Variants in ORC2 observed in about 807,000 individuals in gnomAD.
The protein encoded by ORC2 is origin recognition complex subunit 2.
A neutral mutation model predicts 77.7 loss-of-function variants in ORC2; 37 were observed. The observed-to-expected ratio is 0.48, with a 90% confidence interval of 0.37 to 0.63. ORC2 has a LOEUF of 0.63. Among genes scored for constraint, ORC2 ranks in the 20% least tolerant of loss-of-function variants. ORC2 has a pLI of 0.00. For missense variants in ORC2, 557 were observed against 661.9 expected (o/e 0.84, Z 1.74); for synonymous variants, 201 against 229.5 (o/e 0.88, Z 1.12).
intron 10 of ORC2, among the ~76,000 whole-genome samples, chr2:200,932,657 A>G (rs558507038): frequency 6.6e-6 from 1 of 152,192 alleles, no homozygotes; most frequent in South Asian, 2.1e-4. Flanking sequence ...ACTTTAATTA[A>G]TATTCATGGA....
chr2:200,937,337 GTGA>G (rs1310223107), intron 8 of ORC2, among the ~76,000 whole-genome samples: 1 of 152,100 alleles, frequency 6.6e-6, no homozygotes, highest in African/African-American at 2.4e-5. Context: ...CAATTTTATG[GTGA>G]TTAAAAATAC....
At chr2:200,939,614 A>G (rs1375132972) in intron 7 of ORC2, among the ~76,000 whole-genome samples, 1 of 152,174 alleles carries the variant, frequency 6.6e-6, no homozygotes, top group Non-Finnish European at 1.5e-5. Context: ...AATCCCAATC[A>G]GTTTACCATT....
intron 4 of ORC2, among the ~76,000 whole-genome samples, chr2:200,951,296 T>C (rs1246064955): frequency 6.6e-6 from 1 of 152,188 alleles, no homozygotes; most frequent in African/African-American, 2.4e-5. Context: ...GCTTCCAAGT[T>C]TTGGCCATTG....
Position 200,910,283 on chromosome 2 carries a change from G to A in ORC2, c.*1018C>T, listed in dbSNP as rs2040528010. 1 of 152,090 alleles carries A rather than the reference G, an allele frequency of 6.6e-6. No homozygotes were observed. The highest frequency in any genetic ancestry group is 2.4e-5 in the African/African-American group (1 of 41,410). 9.4% of individuals were successfully genotyped at this position (152,090 alleles called of 1,614,324 possible). On this transcript the variant is annotated 3_prime_UTR_variant, in exon 18 of 18. Transcript: ENST00000234296. ...GTAAGCTGACAACAGTAGCCAAGGT[G>A]AGCCTTTTTTCTTTCCTAAGAAAAA...
At chr2:200,951,864 A>G (rs1303039932) in intron 4 of ORC2, among the ~76,000 whole-genome samples, 1 of 152,222 alleles carries the variant, frequency 6.6e-6, no homozygotes, top group Non-Finnish European at 1.5e-5. Flanking sequence ...TTGAGAAACA[A>G]TGAATTTTAA....
At chr2:200,950,132 G>A (rs2041325006) in intron 4 of ORC2, among the ~76,000 whole-genome samples, 1 of 151,996 alleles carries the variant, frequency 6.6e-6, no homozygotes, top group Non-Finnish European at 1.5e-5. Flanking sequence ...GAGATTGAGA[G>A]CATCCTGGCT....
intron 12 of ORC2, among the ~76,000 whole-genome samples, chr2:200,926,306 C>T (rs2040837830): frequency 6.6e-6 from 1 of 152,156 alleles, no homozygotes; most frequent in South Asian, 2.1e-4. Flanking sequence ...CAATATCCAG[C>T]ACCCAAAAGA....
At chr2:200,928,065 A>T (rs2040873723) in intron 11 of ORC2, among the ~76,000 whole-genome samples, 1 of 151,382 alleles carries the variant, frequency 6.6e-6, no homozygotes, top group Non-Finnish European at 1.5e-5. Flanking sequence ...CTTTTTAAAA[A>T]TTATTATTGG....
At chr2:200,916,066 A>G (rs983459242) in intron 15 of ORC2, among the ~76,000 whole-genome samples, 7 of 152,182 alleles carry the variant, frequency 4.6e-5, no homozygotes, top group Non-Finnish European at 8.8e-5. Context: ...TTTTTATTCA[A>G]TCACATACCA....
chr2:200,962,110 C>G (rs1207681448), intron 1 of ORC2, among the ~76,000 whole-genome samples: 1 of 152,116 alleles, frequency 6.6e-6, no homozygotes, highest in East Asian at 1.9e-4. Context: ...TACAAAATCA[C>G]CAAATTAAAG....
At chr2:200,929,090 T>C (rs751441846) in intron 11 of ORC2, among the ~76,000 whole-genome samples, 15 of 152,166 alleles carry the variant, frequency 9.9e-5, no homozygotes, top group Middle Eastern at 6.8e-3. Context: ...TAGCTGGGAT[T>C]ACAGGCATGC....
chr2:200,934,263 G>C (rs1356889847), intron 9 of ORC2, among the ~76,000 whole-genome samples: 1 of 151,960 alleles, frequency 6.6e-6, no homozygotes, highest in African/African-American at 2.4e-5. Context: ...ACTAAAAAAA[G>C]AGAGATGGTT....
At chr2:200,956,592 T>A (rs1301646904) in intron 4 of ORC2, among the ~76,000 whole-genome samples, 1 of 151,964 alleles carries the variant, frequency 6.6e-6, no homozygotes, top group Non-Finnish European at 1.5e-5. Flanking sequence ...AGTCTCCCAA[T>A]GTACTGGGAT....
At chr2:200,939,110 T>C (rs1431781925) in intron 7 of ORC2, among the ~76,000 whole-genome samples, 1 of 151,992 alleles carries the variant, frequency 6.6e-6, no homozygotes, top group African/African-American at 2.4e-5. Context: ...AATTACAGTA[T>C]GTCTCAAATT....
At chr2:200,920,910 TA>T in intron 14 of ORC2, 82 bp downstream of exon 14, 1 of 1,012,040 alleles carries the variant, frequency 9.9e-7, no homozygotes, top group Non-Finnish European at 1.3e-6. Context: ...CTAAAAACAG[TA>T]AAAATTTTCT....
chr2:200,927,784 G>A (rs1480042306), intron 11 of ORC2, among the ~76,000 whole-genome samples: 3 of 150,760 alleles, frequency 2.0e-5, no homozygotes, highest in African/African-American at 4.8e-5. Context: ...TGCAACCTCC[G>A]CCTCCCGGGT....
intron 9 of ORC2, among the ~76,000 whole-genome samples, chr2:200,935,250 G>A (rs188711156): frequency 2.2e-4 from 33 of 152,246 alleles, no homozygotes; most frequent in South Asian, 4.1e-4. Flanking sequence ...AGCCTCCCGC[G>A]TAGCTGGGAT....
chr2:200,931,227 G>A, intron 11 of ORC2, 112 bp downstream of exon 11: 1 of 463,318 alleles, frequency 2.2e-6, no homozygotes, highest in Non-Finnish European at 3.9e-6. Flanking sequence ...TTTTATATAT[G>A]ACTAAATATC....
chr2:200,936,695 T>C (rs2041053858), intron 8 of ORC2, among the ~76,000 whole-genome samples: 1 of 152,212 alleles, frequency 6.6e-6, no homozygotes, highest in African/African-American at 2.4e-5. Flanking sequence ...ATGGTACTTA[T>C]GATTATAATT....
Sources: allele counts gnomAD v4.1 joint callset (sites outside exome capture counted in the v4.1 genomes callset), GRCh38; gene constraint gnomAD v4.1.1; transcripts MANE v1.5; gene names NCBI Gene and HGNC (gene_info 2026-07-23, HGNC 2026-07-21).